Variants in INSC observed in about 807,000 individuals in gnomAD.
The protein encoded by INSC is protein inscuteable homolog.
A neutral mutation model predicts 58.6 loss-of-function variants in INSC; 67 were observed. That is an observed-to-expected ratio of 1.14 (90% CI 0.94 to 1.40). The LOEUF is 1.40. Ranked by LOEUF, INSC falls within the 40% of genes most tolerant of loss-of-function variation. INSC has a pLI of 0.00. For missense variants in INSC, 714 were observed against 692.0 expected (o/e 1.03, Z -0.36); for synonymous variants, 262 against 276.1 (o/e 0.95, Z 0.51).
chr11:15,224,448 A>G (rs1851555217), intron 8 of INSC, among the ~76,000 whole-genome samples: 1 of 152,252 alleles, frequency 6.6e-6, no homozygotes, highest in Admixed American at 6.5e-5. Context: ...ACCTGGAAGT[A>G]TAGACTGTCT....
intron 1 of INSC, among the ~76,000 whole-genome samples, chr11:15,121,967 C>T (rs1319072798): frequency 6.6e-6 from 1 of 152,118 alleles, no homozygotes; most frequent in African/African-American, 2.4e-5. Context: ...GCTTAGTTTC[C>T]TTACTTTGCT....
chr11:15,223,980 A>G (rs981371006), intron 8 of INSC, among the ~76,000 whole-genome samples: 3 of 152,250 alleles, frequency 2.0e-5, no homozygotes, highest in Non-Finnish European at 4.4e-5. Context: ...AGAGGCTGAG[A>G]GACCAGAAGC....
chr11:15,134,632 G>A (rs1848200049), intron 1 of INSC, among the ~76,000 whole-genome samples: 1 of 152,156 alleles, frequency 6.6e-6, no homozygotes, highest in Admixed American at 6.6e-5. Flanking sequence ...TGACTTCCAT[G>A]TGTGTAGCAC....
intron 7 of INSC, among the ~76,000 whole-genome samples, chr11:15,207,181 G>C (rs1473388970): frequency 6.6e-6 from 1 of 152,124 alleles, no homozygotes; most frequent in Non-Finnish European, 1.5e-5. Flanking sequence ...CAAAAGGAGT[G>C]GGGGGCACTC....
At chr11:15,154,147 A>G (rs1345024011) in intron 2 of INSC, among the ~76,000 whole-genome samples, 1 of 152,252 alleles carries the variant, frequency 6.6e-6, no homozygotes, top group African/African-American at 2.4e-5. Context: ...TAAGGGCTAA[A>G]TTCATATTTG....
At chr11:15,161,947 C>T (rs1336055764) in intron 2 of INSC, among the ~76,000 whole-genome samples, 1 of 152,128 alleles carries the variant, frequency 6.6e-6, no homozygotes, top group East Asian at 1.9e-4. Flanking sequence ...GTATTTATAG[C>T]TTGTTACATA....
At chr11:15,124,799 G>A (rs1401028142) in intron 1 of INSC, among the ~76,000 whole-genome samples, 1 of 152,148 alleles carries the variant, frequency 6.6e-6, no homozygotes, top group Admixed American at 6.5e-5. Flanking sequence ...GACAATGACA[G>A]CCACATTAGA....
At chr11:15,140,737 C>G (rs946410003) in intron 1 of INSC, among the ~76,000 whole-genome samples, 29 of 152,140 alleles carry the variant, frequency 1.9e-4, no homozygotes, top group African/African-American at 6.5e-4. Flanking sequence ...TACCACCATG[C>G]CCCATCTAAT....
In INSC at chr11:15,142,504, C is replaced by T. The variant is rs570416377; in HGVS notation, c.-45-6626C>T. ...TTGCAGTGATGCCCTGAGAAACTTC[C>T]CATGACCCCTTCTCACCACCTTCCA... On this transcript the variant is annotated intron_variant, in intron 1 of 12. Coordinates refer to ENST00000379556, the MANE Select transcript of INSC (RefSeq NM_001042536.3). Among the ~76,000 whole-genome samples, 200 of 152,362 alleles carry T rather than the reference C, an allele frequency of 1.3e-3. 1 individual carries two copies. Among genetic ancestry groups the T allele is most frequent in the Non-Finnish European group, 6.9e-4 (47 of 68,032 alleles).
chr11:15,174,913 A>G (rs995356502), intron 2 of INSC, among the ~76,000 whole-genome samples: 5 of 152,178 alleles, frequency 3.3e-5, no homozygotes, highest in African/African-American at 7.2e-5. Context: ...CAAATATACA[A>G]TGCTTTATCA....
upstream of INSC, chr11:15,112,652 G>GT: frequency 1.1e-5 from 5 of 436,536 alleles, no homozygotes; most frequent in Non-Finnish European, 1.5e-5. Context: ...GGAAGTGGGG[G>GT]GGGGGCATTT....
intron 7 of INSC, among the ~76,000 whole-genome samples, chr11:15,204,412 C>T (rs1477168994): frequency 6.6e-6 from 1 of 152,220 alleles, no homozygotes; most frequent in Non-Finnish European, 1.5e-5. Context: ...TCCTTTCCTC[C>T]ATATCATATT....
chr11:15,176,904 C>T (rs925745407), intron 3 of INSC, among the ~76,000 whole-genome samples: 5 of 152,188 alleles, frequency 3.3e-5, no homozygotes, highest in Middle Eastern at 3.2e-3. Context: ...GCATAAATAA[C>T]TGCTCAGTTT....
intron 1 of INSC, among the ~76,000 whole-genome samples, chr11:15,122,177 T>C (rs1847890172): frequency 6.6e-6 from 1 of 152,202 alleles, no homozygotes; most frequent in African/African-American, 2.4e-5. Context: ...TTGTTACATG[T>C]TTTTAGAAGA....
chr11:15,135,004 C>T (rs1848209500), intron 1 of INSC, among the ~76,000 whole-genome samples: 1 of 151,976 alleles, frequency 6.6e-6, no homozygotes, highest in Non-Finnish European at 1.5e-5. Context: ...TTCTTTATTC[C>T]TATTTGGAGG....
intron 9 of INSC, among the ~76,000 whole-genome samples, chr11:15,233,249 T>C (rs1219366537): frequency 1.3e-5 from 2 of 152,198 alleles, no homozygotes; most frequent in African/African-American, 2.4e-5. Flanking sequence ...TAGAACTTAA[T>C]TGAACATCAT....
chr11:15,187,731 C>T (rs901183464), intron 5 of INSC, among the ~76,000 whole-genome samples: 1 of 152,054 alleles, frequency 6.6e-6, no homozygotes, highest in Non-Finnish European at 1.5e-5. Context: ...TTCATATCTG[C>T]CTAGTATGCA....
intron 10 of INSC, among the ~76,000 whole-genome samples, chr11:15,236,223 T>A (rs1852124595): frequency 6.6e-6 from 1 of 151,416 alleles, no homozygotes; most frequent in Non-Finnish European, 1.5e-5. Context: ...AGATAGCAAA[T>A]GTCCAGCAAT....
At chr11:15,259,308 AGTTT>A in the INSC span, among the ~76,000 whole-genome samples, 7 of 152,160 alleles carry the variant, frequency 4.6e-5, no homozygotes, top group African/African-American at 1.4e-4. Context: ...TAATAGCTGG[AGTTT>A]GTTTGACAGG....
Sources: allele counts gnomAD v4.1 joint callset (sites outside exome capture counted in the v4.1 genomes callset), GRCh38; gene constraint gnomAD v4.1.1; transcripts MANE v1.5; gene names NCBI Gene and HGNC (gene_info 2026-07-23, HGNC 2026-07-21).